The following ZNF431 variants were observed in gnomAD, a reference collection of about 807,000 sequenced individuals.
The protein encoded by ZNF431 is zinc finger protein 431.
Under a neutral mutation model 57.0 loss-of-function variants are expected in ZNF431, and 34 were observed. That is an observed-to-expected ratio of 0.60 (90% CI 0.45 to 0.79). ZNF431 has a LOEUF of 0.79. ZNF431 is among the 30% of genes least tolerant of loss of function. The probability of loss-of-function intolerance (pLI) is 0.00; values close to 1 mark genes in which losing one functional copy is unlikely to be tolerated. For synonymous variants in ZNF431, 207 were observed against 220.3 expected (o/e 0.94, Z 0.54); for missense variants, 607 against 667.1 (o/e 0.91, Z 0.99).
chr19:21,177,070 A>G (rs1380894553), intron 4 of ZNF431, among the ~76,000 whole-genome samples: 2 of 152,172 alleles, frequency 1.3e-5, no homozygotes, highest in Non-Finnish European at 2.9e-5. Context: ...TTTTCTTGCA[A>G]TTGCTTTTGA....
Position 21,183,436 on chromosome 19 carries a change from G to A in ZNF431, c.1133G>A (p.Gly378Asp), listed in dbSNP as rs761925177. Reference protein sequence around the residue: ...GEKSYKCEECGKGFNWSSTLT... With the variant: ...GEKSYKCEECDKGFNWSSTLT... ...AAATCTTACAAATGTGAAGAATGTG[G>A]CAAAGGCTTTAATTGGTCCTCAACC... The change falls in exon 5 of 5, where the codon GGC (glycine) becomes GAC (aspartate). Residue 378 changes from glycine to aspartate, a missense_variant. By Grantham distance (94) the Gly-to-Asp change is moderately conservative (BLOSUM62 -1). Transcript: ENST00000311048. 28 of 1,613,724 alleles carry A rather than the reference G, an allele frequency of 1.7e-5. No individual in the cohort carries two copies. Among genetic ancestry groups the A allele is most frequent in the Non-Finnish European group, 2.3e-5 (27 of 1,179,856 alleles).
rs537787342 is a variant in ZNF431, at chr19:21,182,932, G to A, written c.629G>A (p.Gly210Asp). Residue 210 changes from glycine to aspartate, a missense_variant, in exon 5 of 5, where the codon GGC becomes GAC. Coordinates refer to ENST00000311048, the MANE Select transcript of ZNF431 (RefSeq NM_133473.4). ...GKKPFKCKKC[G>D]KSFCMLLHLS... ...AAACCTTTCAAATGTAAAAAATGTGGCAAATCATTTTGCATGCTTTTACAC... is the reference window on the plus strand; with the variant it reads ...AAACCTTTCAAATGTAAAAAATGTGACAAATCATTTTGCATGCTTTTACAC... 3 of 1,613,724 alleles carry A rather than the reference G, an allele frequency of 1.9e-6. No homozygotes were observed. The highest frequency in any genetic ancestry group is 1.7e-6 in the Non-Finnish European group (2 of 1,179,808).
intron 2 of ZNF431, among the ~76,000 whole-genome samples, chr19:21,153,001 A>G (rs2144946808): frequency 6.6e-6 from 1 of 152,352 alleles, no homozygotes; most frequent in South Asian, 2.1e-4. Flanking sequence ...TAGGCAGAGC[A>G]GTGGCTGCTA....
At chr19:21,162,685 A>G (rs989861068) in intron 2 of ZNF431, 6 of 984,156 alleles carry the variant, frequency 6.1e-6, no homozygotes, top group Non-Finnish European at 7.2e-6. Context: ...TAAAAAGATG[A>G]GAGTTTTTGC....
rs999264172 is a variant in ZNF431, at chr19:21,186,629, C to T, written c.*2595C>T. The T allele has an allele frequency of 6.6e-6, 1 of 152,160 alleles. No individual in the cohort carries two copies. The highest frequency in any genetic ancestry group is 2.4e-5 in the African/African-American group (1 of 41,442). The allele number at this position is 152,160 out of a possible 1,614,324, so 9.4% of individuals were successfully genotyped here. On this transcript the variant is annotated 3_prime_UTR_variant, in exon 5 of 5. Coordinates refer to ENST00000311048, the MANE Select transcript of ZNF431 (RefSeq NM_133473.4). ...TCTATGACTTAGAGTTCTGAATCTT[C>T]CCAAGCAAATTCTCTGTATATACTT...
chr19:21,169,782 A>G (rs1970829381), intron 4 of ZNF431: 2 of 398,570 alleles, frequency 5.0e-6, no homozygotes, highest in East Asian at 7.1e-5. Context: ...TCTTCAGGTC[A>G]CTGTGTGGGT....
chr19:21,178,493 T>C (rs1421525862), intron 4 of ZNF431, among the ~76,000 whole-genome samples: 1 of 152,184 alleles, frequency 6.6e-6, no homozygotes, highest in East Asian at 1.9e-4. Context: ...ACCTTGTTTA[T>C]TGAGAGTTTT....
chr19:21,172,302 T>C (rs8106489), intron 4 of ZNF431, among the ~76,000 whole-genome samples: 141,818 of 150,526 alleles, frequency 0.94, 67,027 homozygotes, highest in Middle Eastern at 0.99. Flanking sequence ...GTGGTGTATG[T>C]GTGTAATTTG....
At chr19:21,145,881 A>G (rs1049435969) in intron 2 of ZNF431, among the ~76,000 whole-genome samples, 1 of 152,168 alleles carries the variant, frequency 6.6e-6, no homozygotes, top group Non-Finnish European at 1.5e-5. Context: ...ATGAACCGTG[A>G]AAAATCAGAT....
At chr19:21,144,346 A>T (rs1003083895) in intron 2 of ZNF431, among the ~76,000 whole-genome samples, 1 of 151,700 alleles carries the variant, frequency 6.6e-6, no homozygotes, top group Non-Finnish European at 1.5e-5. Flanking sequence ...TTACAGGCAC[A>T]CACCACCACA....
At chr19:21,153,716 C>G (rs1305984618) in intron 2 of ZNF431, among the ~76,000 whole-genome samples, 1 of 151,998 alleles carries the variant, frequency 6.6e-6, no homozygotes, top group Non-Finnish European at 1.5e-5. Context: ...GTGGGAGTCC[C>G]CATTTTTTTT....
At chr19:21,174,976 G>A (rs1219571449) in intron 4 of ZNF431, among the ~76,000 whole-genome samples, 1 of 152,040 alleles carries the variant, frequency 6.6e-6, no homozygotes. Flanking sequence ...TGGTCAGGCT[G>A]GTCCCAATCT....
Position 21,184,176 on chromosome 19 carries a change from C to T in ZNF431, c.*142C>T, listed in dbSNP as rs775480323. On this transcript the variant is annotated 3_prime_UTR_variant, in exon 5 of 5. Transcript: ENST00000311048. ...ACCATCCTGGCCAACATGGTGAAAC[C>T]CTGTCTCTACTAAAAATACAAAAAT... 1.0e-5 allele frequency: 7 copies of T among 676,564 alleles called. No individual in the cohort carries two copies. The highest frequency in any genetic ancestry group is 1.8e-5 in the African/African-American group (1 of 54,874). 41.9% of individuals were successfully genotyped at this position (676,564 alleles called of 1,614,324 possible).
Position 21,186,072 on chromosome 19 carries a change from C to T in ZNF431, c.*2038C>T, listed in dbSNP as rs1404040270. 2.0e-5 allele frequency: 3 copies of T among 152,002 alleles called. No individual in the cohort carries two copies. In the East Asian group the frequency reaches 5.8e-4, roughly 29 times the overall value. 9.4% of individuals were successfully genotyped at this position (152,002 alleles called of 1,614,324 possible). A position where few individuals can be genotyped will look rare whatever the true frequency, so the allele number is the denominator to read the frequency against. ...TGAGCGAGGGAGTGGATCTTGAGGTCAGCAGTTCGAGACCAGCATGGCCAA... is the reference window on the plus strand; with the variant it reads ...TGAGCGAGGGAGTGGATCTTGAGGTTAGCAGTTCGAGACCAGCATGGCCAA... On this transcript the variant is annotated 3_prime_UTR_variant, in exon 5 of 5. Coordinates refer to ENST00000311048, the MANE Select transcript of ZNF431 (RefSeq NM_133473.4).
rs964577435 is a variant in ZNF431, at chr19:21,185,057, A to G, written c.*1023A>G. 6.6e-6 allele frequency: 1 copy of G among 152,218 alleles called. No individual in the cohort carries two copies. Among genetic ancestry groups the G allele is most frequent in the Non-Finnish European group, 1.5e-5 (1 of 68,028 alleles). The allele number at this position is 152,218 out of a possible 1,614,324, so 9.4% of individuals were successfully genotyped here. ...TTCAAAAACTACAGCTTAGAAATCA[A>G]CAGTTATACTAGAATATATTTTTTC... On this transcript the variant is annotated 3_prime_UTR_variant, in exon 5 of 5. Coordinates refer to ENST00000311048, the MANE Select transcript of ZNF431 (RefSeq NM_133473.4).
In ZNF431 at chr19:21,187,997, G is replaced by A. The variant is rs111579492; in HGVS notation, c.*3963G>A. 1,956 of 152,184 alleles carry A rather than the reference G, an allele frequency of 0.013. 38 individuals are homozygous for A. Among genetic ancestry groups the A allele is most frequent in the South Asian group, 0.048 (232 of 4,818 alleles). 9.4% of individuals were successfully genotyped at this position (152,184 alleles called of 1,614,324 possible). On this transcript the variant is annotated 3_prime_UTR_variant, in exon 5 of 5. Transcript: ENST00000311048. ...TAAAAGGCAGCCAGGTGTGGCTCAC[G>A]CCTGTAATCCCAGCACTGAGATAGG...
rs1001745364 is a variant in ZNF431, at chr19:21,187,637, C to G, written c.*3603C>G. On this transcript the variant is annotated 3_prime_UTR_variant, in exon 5 of 5. Coordinates refer to ENST00000311048, the MANE Select transcript of ZNF431 (RefSeq NM_133473.4). ...CCTGTAATCCCAGCTACTCGGGAGA[C>G]TGAGGCAGGAGAATCGCTTGAACAC... 3 of 151,928 alleles carry G rather than the reference C, an allele frequency of 2.0e-5. No homozygotes were observed. The highest frequency in any genetic ancestry group is 7.3e-5 in the African/African-American group (3 of 41,342). 9.4% of individuals were successfully genotyped at this position (151,928 alleles called of 1,614,324 possible). A position where few individuals can be genotyped will look rare whatever the true frequency, so the allele number is the denominator to read the frequency against.
In ZNF431 at chr19:21,194,732, A is replaced by C. The variant is rs1045607763; in HGVS notation, c.*10698A>C. 1 of 152,172 alleles carries C rather than the reference A, an allele frequency of 6.6e-6. No individual in the cohort carries two copies. Among genetic ancestry groups the C allele is most frequent in the Non-Finnish European group, 1.5e-5 (1 of 68,030 alleles). 9.4% of individuals were successfully genotyped at this position (152,172 alleles called of 1,614,324 possible). A position where few individuals can be genotyped will look rare whatever the true frequency, so the allele number is the denominator to read the frequency against. ...AGTGCTGGGATTACAGGTGCGACCC[A>C]CCATGCCTGGCCCAACCCCATATTA... On this transcript the variant is annotated 3_prime_UTR_variant, in exon 5 of 5. Coordinates refer to ENST00000311048, the MANE Select transcript of ZNF431 (RefSeq NM_133473.4).
chr19:21,161,715 G>A (rs1239902089), intron 2 of ZNF431, among the ~76,000 whole-genome samples: 4 of 151,916 alleles, frequency 2.6e-5, no homozygotes, highest in African/African-American at 4.8e-5. Context: ...GTGCAGTGGC[G>A]CAATCTAGGC....
Sources: allele counts gnomAD v4.1 joint callset (sites outside exome capture counted in the v4.1 genomes callset), GRCh38; gene constraint gnomAD v4.1.1; transcripts MANE v1.5; gene names NCBI Gene and HGNC (gene_info 2026-07-23, HGNC 2026-07-21).